Variants in UNC5D observed in about 807,000 individuals in gnomAD.
The protein encoded by UNC5D is netrin receptor UNC5D.
Under a neutral mutation model 105.4 loss-of-function variants are expected in UNC5D, and 39 were observed. The observed-to-expected ratio is 0.37, with a 90% CI of 0.29 to 0.48. The LOEUF (loss-of-function observed/expected upper bound fraction) is 0.48, where lower values mean the gene tolerates loss of function less well. Ranked by LOEUF, UNC5D falls within the 20% of genes least tolerant of loss-of-function variation. The pLI, the probability that UNC5D is intolerant of heterozygous loss-of-function variation, is 0.98. For synonymous variants in UNC5D, 452 were observed against 450.4 expected, an observed-to-expected ratio of 1.00 and a Z score of -0.04; for missense variants, 991 against 1,202.4, an observed-to-expected ratio of 0.82 and a Z score of 2.60.
intron 1 of UNC5D, among the ~76,000 whole-genome samples, chr8:35,261,941 G>A (rs1036901582): frequency 6.6e-6 from 1 of 152,122 alleles, no homozygotes; most frequent in African/African-American, 2.4e-5. Flanking sequence ...TAAAGTCAGT[G>A]CTGGCAAAAA....
At chr8:35,716,636 G>A (rs939786890) in intron 8 of UNC5D, among the ~76,000 whole-genome samples, 1 of 152,178 alleles carries the variant, frequency 6.6e-6, no homozygotes, top group Non-Finnish European at 1.5e-5. Context: ...CCTTCTAAGT[G>A]CTTTTTAAGA....
chr8:35,523,707 TA>T (rs1207509984), intron 1 of UNC5D, among the ~76,000 whole-genome samples: 207 of 107,590 alleles, frequency 1.9e-3, no homozygotes, highest in African/African-American at 6.6e-3. Flanking sequence ...TTTATTTAAT[TA>T]AAAAAAAAAG....
chr8:35,267,427 A>G (rs1333205196), intron 1 of UNC5D, among the ~76,000 whole-genome samples: 1 of 152,066 alleles, frequency 6.6e-6, no homozygotes, highest in African/African-American at 2.4e-5. Flanking sequence ...GGAAGTGACC[A>G]TGAATATTTG....
chr8:35,671,479 C>T (rs1824799928), intron 4 of UNC5D, among the ~76,000 whole-genome samples: 1 of 152,128 alleles, frequency 6.6e-6, no homozygotes, highest in African/African-American at 2.4e-5. Flanking sequence ...TTGATTTCTG[C>T]ATAAAGAACT....
At chr8:35,271,598 T>C (rs1805343406) in intron 1 of UNC5D, among the ~76,000 whole-genome samples, 1 of 141,476 alleles carries the variant, frequency 7.1e-6, no homozygotes, top group Admixed American at 7.1e-5. Flanking sequence ...ATTTATATTA[T>C]ACATGTATTA....
At chr8:35,462,886 T>C (rs1808999961) in intron 1 of UNC5D, among the ~76,000 whole-genome samples, 1 of 152,192 alleles carries the variant, frequency 6.6e-6, no homozygotes, top group South Asian at 2.1e-4. Context: ...AGACAGCAAC[T>C]GAGTTTCTTG....
chr8:35,777,019 G>C (rs1802279840), intron 16 of UNC5D, among the ~76,000 whole-genome samples: 1 of 152,178 alleles, frequency 6.6e-6, no homozygotes, highest in Non-Finnish European at 1.5e-5. Flanking sequence ...ACTTTGGGAG[G>C]CCAAGGTGGG....
At chr8:35,525,635 A>G (rs746639872) in intron 1 of UNC5D, 16 of 1,613,470 alleles carry the variant, frequency 9.9e-6, no homozygotes, top group Non-Finnish European at 9.3e-6. Flanking sequence ...TGGAAGAGGG[A>G]CATTTTAAAG....
intron 4 of UNC5D, among the ~76,000 whole-genome samples, chr8:35,604,663 C>T (rs1227600041): frequency 1.3e-5 from 2 of 152,160 alleles, no homozygotes; most frequent in Admixed American, 6.5e-5. Flanking sequence ...CCATTCTCCC[C>T]GTCACTTTCA....
intron 1 of UNC5D, among the ~76,000 whole-genome samples, chr8:35,290,541 G>C (rs1161699145): frequency 6.6e-6 from 1 of 152,164 alleles, no homozygotes; most frequent in East Asian, 1.9e-4. Context: ...GTTTCTAATA[G>C]ACAGGAAGAG....
intron 10 of UNC5D, 68 bp downstream of exon 10, chr8:35,726,597 C>G (rs1302641672): frequency 6.4e-7 from 1 of 1,559,336 alleles, no homozygotes; most frequent in African/African-American, 1.4e-5. Context: ...CAGTTACTTC[C>G]CATCAGATTC....
intron 15 of UNC5D, among the ~76,000 whole-genome samples, chr8:35,772,211 A>C (rs1262711566): frequency 6.6e-6 from 1 of 152,158 alleles, no homozygotes; most frequent in Non-Finnish European, 1.5e-5. Context: ...GTGACCATGA[A>C]ACTGCCATTT....
chr8:35,604,744 T>C (rs889886148), intron 4 of UNC5D, among the ~76,000 whole-genome samples: 16 of 152,188 alleles, frequency 1.1e-4, no homozygotes, highest in Non-Finnish European at 1.5e-4. Context: ...TGTTCGTTTC[T>C]TTTTATTCTT....
In UNC5D at chr8:35,566,159, A is replaced by T. The variant is rs80094394; in HGVS notation, c.323-1939A>T. On this transcript the variant is annotated intron_variant, in intron 2 of 16. Coordinates refer to ENST00000404895, the MANE Select transcript of UNC5D (RefSeq NM_080872.4). ...ATGTGAGTTACCAACTGTCATCAAG[A>T]TGATTTTCTGTTACGTGGGTTCCTC... 9.2e-3 allele frequency among the ~76,000 whole-genome samples: 1,406 copies of T among 152,294 alleles called. 35 individuals are homozygous for T. Among genetic ancestry groups the T allele is most frequent in the African/African-American group, 0.032 (1,340 of 41,552 alleles).
At chr8:35,452,892 G>T (rs1808254588) in intron 1 of UNC5D, among the ~76,000 whole-genome samples, 1 of 152,162 alleles carries the variant, frequency 6.6e-6, no homozygotes, top group Non-Finnish European at 1.5e-5. Context: ...TGATCCAAGA[G>T]CTTCAGGAGG....
At chr8:35,305,450 C>T (rs1467860934) in intron 1 of UNC5D, among the ~76,000 whole-genome samples, 2 of 152,072 alleles carry the variant, frequency 1.3e-5, no homozygotes, top group Admixed American at 1.3e-4. Flanking sequence ...GAAATCACCC[C>T]TCTGGAGGAA....
intron 3 of UNC5D, among the ~76,000 whole-genome samples, chr8:35,585,380 A>G (rs553677433): frequency 6.6e-6 from 1 of 152,236 alleles, no homozygotes; most frequent in African/African-American, 2.4e-5. Flanking sequence ...GAGTGCATGG[A>G]GAGTTGTAGG....
chr8:35,420,413 C>G (rs536049706), intron 1 of UNC5D, among the ~76,000 whole-genome samples: 1 of 152,336 alleles, frequency 6.6e-6, no homozygotes, highest in East Asian at 1.9e-4. Context: ...TTCCCCTCCA[C>G]TAGTGCCTTC....
chr8:35,300,565 A>G (rs2128870290), intron 1 of UNC5D, among the ~76,000 whole-genome samples: 2 of 151,914 alleles, frequency 1.3e-5, no homozygotes, highest in South Asian at 4.2e-4. Context: ...ACAAGCAGTA[A>G]TAAATGAACT....
Sources: gnomAD v4.1 joint callset for allele counts (sites outside exome capture counted in the v4.1 genomes callset) on GRCh38, gnomAD v4.1.1 for gene constraint, MANE v1.5 for transcripts, NCBI Gene and HGNC (gene_info 2026-07-23, HGNC 2026-07-21) for gene names.